The following GSTCD variants were observed in gnomAD, a reference collection of about 807,000 sequenced individuals.
GSTCD encodes the protein glutathione S-transferase C-terminal domain-containing protein.
In GSTCD, 44 loss-of-function variants were observed where a neutral mutation model predicts 68.3. That is an observed-to-expected ratio of 0.64 (90% confidence interval 0.51 to 0.83). The LOEUF is 0.83. GSTCD is among the 40% of genes least tolerant of loss of function. The pLI is 0.00. For synonymous variants in GSTCD, 273 were observed against 255.2 expected, an observed-to-expected ratio of 1.07 and a Z score of -0.67; for missense variants, 739 against 735.9, an observed-to-expected ratio of 1.00 and a Z score of -0.05.
intron 5 of GSTCD, among the ~76,000 whole-genome samples, chr4:105,796,405 A>G (rs1404530006): frequency 6.6e-6 from 1 of 152,132 alleles, no homozygotes; most frequent in Admixed American, 6.5e-5. Flanking sequence ...CAGCCAAACC[A>G]TATTGACCTG....
chr4:105,838,654 A>C (rs185450098), intron 10 of GSTCD, among the ~76,000 whole-genome samples: 98 of 152,366 alleles, frequency 6.4e-4, no homozygotes, highest in Non-Finnish European at 1.0e-3. Context: ...ACCCACAGAG[A>C]ATTGTCTTCC....
intron 6 of GSTCD, 28 bp downstream of exon 6, chr4:105,823,097 T>G: frequency 6.3e-7 from 1 of 1,585,438 alleles, no homozygotes; most frequent in Non-Finnish European, 8.7e-7. Context: ...TCATCCTTTT[T>G]AGTCTTTCTA....
intron 1 of GSTCD, among the ~76,000 whole-genome samples, chr4:105,711,876 T>C (rs923836047): frequency 3.3e-5 from 5 of 152,234 alleles, no homozygotes; most frequent in Admixed American, 2.0e-4. Context: ...GATATAAGTA[T>C]ACATAAAAAC....
intron 5 of GSTCD, among the ~76,000 whole-genome samples, chr4:105,818,629 A>G (rs1430703720): frequency 6.6e-6 from 1 of 151,820 alleles, no homozygotes; most frequent in Non-Finnish European, 1.5e-5. Context: ...AGATACTTTA[A>G]TGGGTACATT....
intron 5 of GSTCD, among the ~76,000 whole-genome samples, chr4:105,770,308 AC>A (rs1478961836): frequency 6.6e-6 from 1 of 150,492 alleles, no homozygotes; most frequent in Non-Finnish European, 1.5e-5. Flanking sequence ...CCCGCGTAGC[AC>A]CTTTCTGAGA....
At chr4:105,808,172 T>C (rs1722598146) in intron 5 of GSTCD, among the ~76,000 whole-genome samples, 1 of 152,124 alleles carries the variant, frequency 6.6e-6, no homozygotes, top group Non-Finnish European at 1.5e-5. Flanking sequence ...AAATACCCCT[T>C]GGTTTGCTTC....
chr4:105,747,870 A>G lies in GSTCD; in HGVS notation c.1240+18371A>G, dbSNP rs550325034. 2.4e-4 allele frequency among the ~76,000 whole-genome samples: 33 copies of G among 134,922 alleles called. 1 individual carries two copies. In the South Asian group the frequency reaches 8.7e-3, roughly 36 times the overall value. The allele number at this position is 134,922 out of a possible 152,430, so 88.5% of individuals were successfully genotyped here. On this transcript the variant is annotated intron_variant, in intron 5 of 11. Transcript: ENST00000515279. ...TTTCTTAACTTTTAAAAAATTCTTC[A>G]GGTTGACAGTGTAAACAGTTTGTTG...
intron 5 of GSTCD, among the ~76,000 whole-genome samples, chr4:105,775,506 T>G (rs529187811): frequency 6.6e-6 from 1 of 152,312 alleles, no homozygotes; most frequent in African/African-American, 2.4e-5. Context: ...GGTCTTCATG[T>G]TGGTGATCTT....
In GSTCD at chr4:105,764,246, G is replaced by T. The variant is rs556910420; in HGVS notation, c.1240+34747G>T. Among the ~76,000 whole-genome samples the T allele has an allele frequency of 2.0e-5, 3 of 152,122 alleles. No individual in the cohort carries two copies. In the South Asian group the frequency reaches 6.2e-4, roughly 32 times the overall value. On this transcript the variant is annotated intron_variant, in intron 5 of 11. Transcript: ENST00000515279. ...ATATTTATCAGAAATTAAATGATTT[G>T]TGATGTATTTTATGTTGTTATATAT... is the stretch of plus-strand genomic sequence containing the variant.
chr4:105,822,304 C>T (rs1163541868), intron 5 of GSTCD, among the ~76,000 whole-genome samples: 1 of 151,972 alleles, frequency 6.6e-6, no homozygotes, highest in Non-Finnish European at 1.5e-5. Context: ...TTCTGTCTGA[C>T]TCATGAGGAA....
intron 8 of GSTCD, among the ~76,000 whole-genome samples, chr4:105,827,588 A>G (rs558779117): frequency 6.6e-6 from 1 of 152,292 alleles, no homozygotes; most frequent in Non-Finnish European, 1.5e-5. Context: ...CACTAGGTAA[A>G]TTAGACTAAA....
rs80225123 is a variant in GSTCD at position 105,720,930 on chromosome 4, T to C, written c.894+1403T>C. ...AAATTATTTGAATACATAAACTAAT[T>C]CTCAAAATATTTTCCTTCGTTCCTT... On this transcript the variant is annotated intron_variant, in intron 3 of 11. Coordinates refer to ENST00000515279, the MANE Select transcript of GSTCD (RefSeq NM_001370181.1). Among the ~76,000 whole-genome samples, 77 of 152,236 alleles carry C rather than the reference T, an allele frequency of 5.1e-4. 1 individual carries two copies. The East Asian group carries it at 0.014, about 27-fold the overall frequency.
At chr4:105,787,448 A>G (rs546203816) in intron 5 of GSTCD, among the ~76,000 whole-genome samples, 1 of 152,184 alleles carries the variant, frequency 6.6e-6, no homozygotes, top group South Asian at 2.1e-4. Flanking sequence ...TTATATATCA[A>G]TAGGCCAAGA....
intron 4 of GSTCD, among the ~76,000 whole-genome samples, chr4:105,729,107 T>C (rs1032352534): frequency 6.6e-6 from 1 of 152,150 alleles, no homozygotes; most frequent in Non-Finnish European, 1.5e-5. Flanking sequence ...GAACTTTCTC[T>C]TTGATATCCA....
intron 5 of GSTCD, among the ~76,000 whole-genome samples, chr4:105,800,221 T>G (rs1041121078): frequency 6.6e-6 from 1 of 152,088 alleles, no homozygotes; most frequent in African/African-American, 2.4e-5. Context: ...TCACATCTTA[T>G]GTGGATGGCG....
At chr4:105,825,255 G>T (rs899649148) in intron 7 of GSTCD, among the ~76,000 whole-genome samples, 1 of 151,870 alleles carries the variant, frequency 6.6e-6, no homozygotes, top group Admixed American at 6.6e-5. Flanking sequence ...TCTGCCTCCC[G>T]AATAACTGGG....
At chr4:105,795,553 T>G (rs1735851846) in intron 5 of GSTCD, among the ~76,000 whole-genome samples, 1 of 152,050 alleles carries the variant, frequency 6.6e-6, no homozygotes, top group Non-Finnish European at 1.5e-5. Flanking sequence ...AGTTCATACC[T>G]GTGTGCATGT....
intron 5 of GSTCD, chr4:105,821,203 C>A (rs1439756411): frequency 6.6e-6 from 1 of 151,676 alleles, no homozygotes; most frequent in Non-Finnish European, 1.5e-5. Context: ...AACTGCATTG[C>A]CATAAAAATA....
intron 5 of GSTCD, chr4:105,746,222 G>C (rs1733797633): frequency 6.6e-6 from 1 of 152,116 alleles, no homozygotes; most frequent in Non-Finnish European, 1.5e-5. Context: ...AAGTAAGCTT[G>C]AGAAAAGGTG....
Sources: allele counts gnomAD v4.1 joint callset (sites outside exome capture counted in the v4.1 genomes callset), GRCh38; gene constraint gnomAD v4.1.1; transcripts MANE v1.5; gene names NCBI Gene and HGNC (gene_info 2026-07-23, HGNC 2026-07-21).